Variants in CHSY3 observed in about 807,000 individuals in gnomAD.
CHSY3 encodes N-acetylgalactosaminyl-proteoglycan 3-beta-glucuronosyltransferase 3.
Under a neutral mutation model 67.2 loss-of-function variants are expected in CHSY3, and 35 were observed. That is an observed-to-expected ratio of 0.52 (90% confidence interval 0.40 to 0.69). CHSY3 has a LOEUF of 0.69. Among genes scored for constraint, CHSY3 ranks in the 30% least tolerant of loss-of-function variants. CHSY3 has a pLI of 0.00. For missense variants in CHSY3, 1,069 were observed against 1,138.5 expected, an observed-to-expected ratio of 0.94 and a Z score of 0.88; for synonymous variants, 474 against 434.7, an observed-to-expected ratio of 1.09 and a Z score of -1.12.
chr5:130,041,259 C>G (rs1764999342), intron 2 of CHSY3, among the ~76,000 whole-genome samples: 1 of 152,058 alleles, frequency 6.6e-6, no homozygotes, highest in African/African-American at 2.4e-5. Context: ...GTGCAATTGG[C>G]ATCCATTTCT....
At chr5:129,917,825 C>T (rs1159886354) in intron 2 of CHSY3, among the ~76,000 whole-genome samples, 1 of 152,086 alleles carries the variant, frequency 6.6e-6, no homozygotes, top group Non-Finnish European at 1.5e-5. Context: ...TGGACCCCAC[C>T]CTTCATCCGT....
chr5:129,987,765 CA>C (rs1763248439), intron 2 of CHSY3, among the ~76,000 whole-genome samples: 1 of 152,062 alleles, frequency 6.6e-6, no homozygotes, highest in African/African-American at 2.4e-5. Context: ...AGCTGGCCAG[CA>C]GAAAAAATAA....
chr5:130,174,363 A>G (rs1045615719), intron 2 of CHSY3, among the ~76,000 whole-genome samples: 3 of 151,962 alleles, frequency 2.0e-5, no homozygotes, highest in South Asian at 2.1e-4. Context: ...ACTTCTTTAC[A>G]TAAGTAAATT....
At chr5:129,986,982 A>T (rs4262138) in intron 2 of CHSY3, among the ~76,000 whole-genome samples, 22,385 of 152,220 alleles carry the variant, frequency 0.15, 2,204 homozygotes, top group East Asian at 0.33. Context: ...GACTAAAAAC[A>T]AATTGAACAA....
intron 2 of CHSY3, among the ~76,000 whole-genome samples, chr5:130,029,200 C>T (rs1764641384): frequency 6.6e-6 from 1 of 152,068 alleles, no homozygotes; most frequent in South Asian, 2.1e-4. Flanking sequence ...TTTGTTCTAC[C>T]CAAGTCTCTT....
chr5:129,912,737 A>G (rs1357944769), intron 2 of CHSY3, among the ~76,000 whole-genome samples: 1 of 152,214 alleles, frequency 6.6e-6, no homozygotes, highest in Non-Finnish European at 1.5e-5. Context: ...GGCCTCCAGC[A>G]TGGTCTGACC....
At chr5:130,064,310 T>C (rs1392525914) in intron 2 of CHSY3, among the ~76,000 whole-genome samples, 1 of 152,110 alleles carries the variant, frequency 6.6e-6, no homozygotes, top group Non-Finnish European at 1.5e-5. Flanking sequence ...AGGAGTCCTG[T>C]CATGTAGATA....
At chr5:129,995,890 T>G (rs1354190188) in intron 2 of CHSY3, among the ~76,000 whole-genome samples, 1 of 151,968 alleles carries the variant, frequency 6.6e-6, no homozygotes, top group Non-Finnish European at 1.5e-5. Context: ...ATCTCCAATC[T>G]CCCATCTTTA....
At chr5:130,075,634 G>A (rs761643067) in intron 2 of CHSY3, among the ~76,000 whole-genome samples, 42 of 152,150 alleles carry the variant, frequency 2.8e-4, no homozygotes, top group Non-Finnish European at 4.6e-4. Context: ...GTTAGATAAA[G>A]GTAAATCAAT....
At chr5:129,997,558 G>A (rs981154195) in intron 2 of CHSY3, among the ~76,000 whole-genome samples, 2 of 151,810 alleles carry the variant, frequency 1.3e-5, no homozygotes, top group Non-Finnish European at 2.9e-5. Flanking sequence ...TGCACAATGC[G>A]CAGGTTTGTT....
At position 130,149,552 on chromosome 5, in the gene CHSY3, A is replaced by G. The variant is rs560731924; in HGVS notation, c.1087-34677A>G. Among the ~76,000 whole-genome samples the G allele has an allele frequency of 2.6e-5, 4 of 152,332 alleles. No homozygotes were observed. In the East Asian group the frequency reaches 7.7e-4, roughly 29 times the overall value. The stretch of plus-strand genomic sequence containing the variant: ...AGCCATAAGGGGGTCCGCCCCCATG[A>G]TCCAAACACCTCCCACTAGGCCCCA... On this transcript the variant is annotated intron_variant, in intron 2 of 2. Transcript: ENST00000305031.
At chr5:129,963,208 G>C (rs566890244) in intron 2 of CHSY3, among the ~76,000 whole-genome samples, 1 of 151,970 alleles carries the variant, frequency 6.6e-6, no homozygotes, top group Admixed American at 6.6e-5. Flanking sequence ...CTTGGAAAGT[G>C]GATAATAGCT....
intron 2 of CHSY3, among the ~76,000 whole-genome samples, chr5:130,005,318 G>A (rs979638917): frequency 2.6e-5 from 4 of 152,030 alleles, no homozygotes; most frequent in Admixed American, 6.6e-5. Flanking sequence ...GGGAGGCTGA[G>A]GCAGGAGAAT....
chr5:129,949,068 G>A lies in CHSY3; in HGVS notation c.1086+40708G>A, dbSNP rs142827645. Among the ~76,000 whole-genome samples the A allele has an allele frequency of 3.6e-3, 547 of 152,204 alleles. 11 individuals carry two copies. The highest frequency in any genetic ancestry group is 1.9e-3 in the Non-Finnish European group (128 of 68,012). Reference sequence around the variant, plus strand: ...GTGCAGAAGCTTTTTAATGATAAAAGGACTAGTCCAACAGGAAACTATCAC... The same window carrying A: ...GTGCAGAAGCTTTTTAATGATAAAAAGACTAGTCCAACAGGAAACTATCAC... On this transcript the variant is annotated intron_variant, in intron 2 of 2. Transcript: ENST00000305031.
chr5:130,011,435 A>G (rs1764057694), intron 2 of CHSY3, among the ~76,000 whole-genome samples: 1 of 152,226 alleles, frequency 6.6e-6, no homozygotes, highest in African/African-American at 2.4e-5. Context: ...CCTTCATGTT[A>G]AAAACCCTCA....
intron 2 of CHSY3, among the ~76,000 whole-genome samples, chr5:130,078,024 A>C (rs1766328888): frequency 6.6e-6 from 1 of 152,068 alleles, no homozygotes; most frequent in South Asian, 2.1e-4. Context: ...TTCTCTGTTG[A>C]ACTGTATTAC....
Position 130,003,650 on chromosome 5 carries a change from A to C in CHSY3, c.1086+95290A>C, listed in dbSNP as rs187206833. 6.6e-5 allele frequency among the ~76,000 whole-genome samples: 10 copies of C among 152,328 alleles called. No homozygotes were observed. In the East Asian group the frequency reaches 1.9e-3, roughly 29 times the overall value. The stretch of plus-strand genomic sequence containing the variant: ...AGCAACATTTACTTAATTAAAAAAA[A>C]TAAGAAAGCAGAACAGAAAAATAAT... On this transcript the variant is annotated intron_variant, in intron 2 of 2. Transcript: ENST00000305031.
At chr5:129,989,752 A>G (rs908342666) in intron 2 of CHSY3, among the ~76,000 whole-genome samples, 14 of 152,176 alleles carry the variant, frequency 9.2e-5, no homozygotes, top group African/African-American at 3.4e-4. Flanking sequence ...GTTATTATTC[A>G]TAAAATGGTG....
chr5:130,071,893 G>A (rs78393021), intron 2 of CHSY3, among the ~76,000 whole-genome samples: 12,041 of 151,968 alleles, frequency 0.079, 1,582 homozygotes, highest in African/African-American at 0.27. Context: ...AGCCATTCTA[G>A]TAGGTGTGAG....
Sources: allele counts gnomAD v4.1 joint callset (sites outside exome capture counted in the v4.1 genomes callset), GRCh38; gene constraint gnomAD v4.1.1; transcripts MANE v1.5; gene names NCBI Gene and HGNC (gene_info 2026-07-23, HGNC 2026-07-21).